MYBL1: variants seen among roughly 807,000 people sequenced by gnomAD.
MYBL1 encodes the protein MYB proto-oncogene like 1.
MYBL1 carries 17 observed loss-of-function variants against 96.3 expected under a neutral mutation model. The observed-to-expected ratio is 0.18, with a 90% CI of 0.12 to 0.26. The LOEUF is 0.26. Ranked by LOEUF, MYBL1 falls within the 10% of genes least tolerant of loss-of-function variation. The pLI is 1.00. For synonymous variants in MYBL1, 282 were observed against 292.7 expected, an observed-to-expected ratio of 0.96 and a Z score of 0.37; for missense variants, 701 against 882.9, an observed-to-expected ratio of 0.79 and a Z score of 2.61.
At chr8:66,611,605 G>C (rs1419331754) in intron 1 of MYBL1, among the ~76,000 whole-genome samples, 2 of 152,204 alleles carry the variant, frequency 1.3e-5, no homozygotes, top group Admixed American at 6.5e-5. Flanking sequence ...GATGTCAATA[G>C]TGCAAAGGCT....
At chr8:66,585,178 C>G (rs1198778906) in intron 8 of MYBL1, among the ~76,000 whole-genome samples, 2 of 152,066 alleles carry the variant, frequency 1.3e-5, no homozygotes, top group African/African-American at 4.8e-5. Context: ...GTAACCAAAA[C>G]AGCATGGTAC....
chr8:66,608,630 CAGTGA>C (rs1810414024), intron 1 of MYBL1, among the ~76,000 whole-genome samples: 2 of 152,204 alleles, frequency 1.3e-5, no homozygotes, highest in Admixed American at 1.3e-4. Context: ...CACCATTTAA[CAGTGA>C]AAAAGTCCCA....
chr8:66,564,156 T>TA lies in MYBL1; in HGVS notation c.*540dup. The TA allele has an allele frequency of 6.6e-6, 1 of 152,320 alleles. No homozygotes were observed. Among genetic ancestry groups the TA allele is most frequent in the East Asian group, 1.9e-4 (1 of 5,202 alleles). 9.4% of individuals were successfully genotyped at this position (152,320 alleles called of 1,614,324 possible). ...AAATAAATACATTTAACACTGTAGT[T>TA]AATTTTACTGCTTCTGAAAAAAAAA... is the stretch of plus-strand genomic sequence containing the variant. On this transcript the variant is annotated 3_prime_UTR_variant, in exon 16 of 16. Coordinates refer to ENST00000522677, the MANE Select transcript of MYBL1 (RefSeq NM_001080416.4).
At chr8:66,573,158 G>T (rs991216965) in intron 11 of MYBL1, among the ~76,000 whole-genome samples, 3 of 147,350 alleles carry the variant, frequency 2.0e-5, no homozygotes, top group Non-Finnish European at 4.5e-5. Context: ...AGGTTGCAGT[G>T]AGCCGAGATC....
At chr8:66,580,410 T>C (rs1809159709) in intron 8 of MYBL1, 44 bp from the exon 9 acceptor site, 3 of 1,299,322 alleles carry the variant, frequency 2.3e-6, no homozygotes, top group African/African-American at 1.5e-5. Flanking sequence ...TCATTCTCAA[T>C]GTAGGCATAA....
At chr8:66,597,638 A>C (rs1381607812) in intron 4 of MYBL1, 88 bp from the exon 5 acceptor site, 2 of 792,640 alleles carry the variant, frequency 2.5e-6, no homozygotes, top group Non-Finnish European at 3.9e-6. Context: ...AAATAAATGC[A>C]TTAAATCCAA....
At chr8:66,575,419 C>T (rs1808896476) in intron 10 of MYBL1, among the ~76,000 whole-genome samples, 1 of 152,218 alleles carries the variant, frequency 6.6e-6, no homozygotes, top group African/African-American at 2.4e-5. Flanking sequence ...GTTACCTTTC[C>T]GGGCTTGTTT....
chr8:66,576,458 G>GAGTTAA (rs1808952350), intron 9 of MYBL1, 83 bp from the exon 10 acceptor site: 1 of 1,429,248 alleles, frequency 7.0e-7, no homozygotes, highest in Non-Finnish European at 9.4e-7. Flanking sequence ...GATTTCCACA[G>GAGTTAA]AGTTAATTAA....
At chr8:66,609,305 T>A (rs908716078) in intron 1 of MYBL1, among the ~76,000 whole-genome samples, 29 of 152,176 alleles carry the variant, frequency 1.9e-4, no homozygotes, top group East Asian at 5.8e-4. Flanking sequence ...GAAATTTTTT[T>A]AAATTTTTTA....
intron 8 of MYBL1, among the ~76,000 whole-genome samples, chr8:66,580,858 C>CTTT (rs796667192): frequency 1.5e-5 from 2 of 137,274 alleles, no homozygotes; most frequent in African/African-American, 2.6e-5. Context: ...GGAAGCTCTT[C>CTTT]TTTTTTTTTT....
chr8:66,607,325 C>G (rs955646040), intron 1 of MYBL1, among the ~76,000 whole-genome samples: 2 of 152,138 alleles, frequency 1.3e-5, no homozygotes, highest in African/African-American at 4.8e-5. Flanking sequence ...GCTTTCTGTC[C>G]TATTTGTATG....
At chr8:66,580,053 A>G (rs1563534626) in intron 9 of MYBL1, 80 bp downstream of exon 9, 5 of 1,049,324 alleles carry the variant, frequency 4.8e-6, no homozygotes, top group Middle Eastern at 4.2e-4. Flanking sequence ...AAAACTGGTC[A>G]ATGTCCAAAA....
At chr8:66,570,682 T>C (rs1320671594) in intron 12 of MYBL1, among the ~76,000 whole-genome samples, 1 of 152,212 alleles carries the variant, frequency 6.6e-6, no homozygotes, top group Non-Finnish European at 1.5e-5. Context: ...TTTGCTGAAT[T>C]AATGATGAAT....
rs1173360560 is a variant in MYBL1 at position 66,562,929 on chromosome 8, T to C, written c.*1768A>G. 2.7e-5 allele frequency: 4 copies of C among 148,598 alleles called. No homozygotes were observed. Among genetic ancestry groups the C allele is most frequent in the Admixed American group, 2.0e-4 (3 of 14,796 alleles). 9.2% of individuals were successfully genotyped at this position (148,598 alleles called of 1,614,324 possible). On this transcript the variant is annotated 3_prime_UTR_variant, in exon 16 of 16. Transcript: ENST00000522677. ...CACTATATATATATATAAATATATA[T>C]ATATATAAAATATGCAAAAACTAGC...
At chr8:66,597,285 G>T in intron 5 of MYBL1, 45 bp downstream of exon 5, 1 of 1,330,274 alleles carries the variant, frequency 7.5e-7, no homozygotes. Context: ...GGTAATAAAG[G>T]TCATGTTTAA....
intron 8 of MYBL1, 89 bp from the exon 9 acceptor site, chr8:66,580,455 A>C: frequency 2.5e-6 from 2 of 814,602 alleles, no homozygotes; most frequent in Non-Finnish European, 1.9e-6. Context: ...TAGGCTAAAA[A>C]CATAGTAGCA....
In MYBL1 at chr8:66,601,682, TTAATA is replaced by T. The variant is rs780063455; in HGVS notation, c.198+11_198+15del. 162 of 1,393,644 alleles carry T rather than the reference TTAATA, an allele frequency of 1.2e-4. 1 individual carries two copies. The African/African-American group carries it at 1.3e-3, about 11-fold the overall frequency. The allele number at this position is 1,393,644 out of a possible 1,614,324, so 86.3% of individuals were successfully genotyped here. A position where few individuals can be genotyped will look rare whatever the true frequency, so the allele number is the denominator to read the frequency against. On this transcript the variant is annotated intron_variant, in intron 3 of 15. Transcript: ENST00000522677. ...AAACCAGCCATGTTAGAAATATAAT[TTAATA>T]TTTCACTTACTTGAAGATGACTAGC...
At chr8:66,566,488 A>G (rs1439520999) in intron 14 of MYBL1, among the ~76,000 whole-genome samples, 196 bp downstream of exon 14, 1 of 152,088 alleles carries the variant, frequency 6.6e-6, no homozygotes, top group Admixed American at 6.5e-5. Flanking sequence ...TCCTCTCATA[A>G]CAAAAGAAAT....
At chr8:66,608,045 T>A (rs114522592) in intron 1 of MYBL1, among the ~76,000 whole-genome samples, 84 of 152,308 alleles carry the variant, frequency 5.5e-4, no homozygotes, top group African/African-American at 1.9e-3. Context: ...CAAATCTACA[T>A]CACATTTAAT....
Sources: allele counts gnomAD v4.1 joint callset (sites outside exome capture counted in the v4.1 genomes callset), GRCh38; gene constraint gnomAD v4.1.1; transcripts MANE v1.5; gene names NCBI Gene and HGNC (gene_info 2026-07-23, HGNC 2026-07-21).